CLYBL: variants seen among roughly 807,000 people sequenced by gnomAD.
The protein encoded by CLYBL is citramalyl-CoA lyase, also known as citramalyl-CoA lyase, mitochondrial.
Under a neutral mutation model 38.9 loss-of-function variants are expected in CLYBL, and 31 were observed. The ratio of observed to expected loss-of-function variants is 0.80; its 90% CI spans 0.60 to 1.08. The LOEUF is 1.08. CLYBL is among the 50% of genes least tolerant of loss of function. The probability of loss-of-function intolerance (pLI) is 0.00; values close to 1 mark genes in which losing one functional copy is unlikely to be tolerated. For missense variants in CLYBL, 434 were observed against 411.6 expected, an observed-to-expected ratio of 1.05 and a Z score of -0.47; for synonymous variants, 171 against 158.6, an observed-to-expected ratio of 1.08 and a Z score of -0.59.
At chr13:99,807,614 C>T (rs1244502398) in intron 2 of CLYBL, among the ~76,000 whole-genome samples, 5 of 151,616 alleles carry the variant, frequency 3.3e-5, no homozygotes, top group Non-Finnish European at 5.9e-5. Flanking sequence ...GTACTAGAAT[C>T]ATCAGATTCA....
intron 1 of CLYBL, among the ~76,000 whole-genome samples, chr13:99,736,096 GTGCAGTAGCGC>G (rs2139585986): frequency 7.4e-6 from 1 of 135,346 alleles, no homozygotes; most frequent in South Asian, 2.4e-4. Flanking sequence ...CCAGGCTGGA[GTGCAGTAGCGC>G]AATCTTGGCT....
At chr13:99,785,191 CT>C (rs58550861) in intron 2 of CLYBL, among the ~76,000 whole-genome samples, 1,237 of 34,148 alleles carry the variant, frequency 0.036, 8 homozygotes, top group African/African-American at 0.047. Context: ...CCCCGCCTGG[CT>C]TTTTTTTTTT....
chr13:99,722,716 G>A (rs1013478534), intron 1 of CLYBL, among the ~76,000 whole-genome samples: 4 of 152,160 alleles, frequency 2.6e-5, no homozygotes, highest in African/African-American at 9.7e-5. Flanking sequence ...AGTTCCCAGT[G>A]AAAAAATGAA....
intron 1 of CLYBL, among the ~76,000 whole-genome samples, chr13:99,676,118 G>T (rs1205030706): frequency 1.3e-5 from 2 of 151,798 alleles, no homozygotes; most frequent in Non-Finnish European, 2.9e-5. Context: ...GGCCTCCCAT[G>T]GTGCTGGGAT....
chr13:99,621,115 T>A (rs1235094291), intron 1 of CLYBL, among the ~76,000 whole-genome samples: 1 of 152,112 alleles, frequency 6.6e-6, no homozygotes. Context: ...CCGTTAAACC[T>A]CTTCTCCCCA....
intron 1 of CLYBL, among the ~76,000 whole-genome samples, chr13:99,648,441 T>G (rs2047207419): frequency 1.3e-5 from 2 of 152,268 alleles, no homozygotes; most frequent in African/African-American, 4.8e-5. Context: ...CATTGTTCGT[T>G]GAATTCTGAA....
chr13:99,718,413 T>C (rs893287852), intron 1 of CLYBL, among the ~76,000 whole-genome samples: 19 of 151,638 alleles, frequency 1.3e-4, no homozygotes, highest in African/African-American at 4.6e-4. Context: ...TTCATGACAA[T>C]TGGCTTCCTT....
At chr13:99,839,136 C>T (rs2051007759) in intron 2 of CLYBL, among the ~76,000 whole-genome samples, 1 of 152,216 alleles carries the variant, frequency 6.6e-6, no homozygotes, top group Non-Finnish European at 1.5e-5. Context: ...AATTAATGCA[C>T]TTACAGGTGG....
At chr13:99,669,709 A>G (rs2047536644) in intron 1 of CLYBL, among the ~76,000 whole-genome samples, 1 of 152,212 alleles carries the variant, frequency 6.6e-6, no homozygotes, top group Admixed American at 6.5e-5. Flanking sequence ...GTTACTCACA[A>G]CTGAGATACA....
chr13:99,775,235 A>G (rs977172641), intron 2 of CLYBL, among the ~76,000 whole-genome samples: 10 of 152,128 alleles, frequency 6.6e-5, no homozygotes, highest in South Asian at 2.1e-4. Flanking sequence ...CTGCCACTCA[A>G]ATGAGTTGGA....
intron 2 of CLYBL, among the ~76,000 whole-genome samples, chr13:99,786,360 C>T (rs1033200483): frequency 6.6e-6 from 1 of 152,062 alleles, no homozygotes; most frequent in Non-Finnish European, 1.5e-5. Context: ...TTCCCCCTCC[C>T]CCAACCCCAC....
intron 1 of CLYBL, among the ~76,000 whole-genome samples, chr13:99,762,479 G>T (rs926607118): frequency 2.0e-5 from 3 of 152,160 alleles, no homozygotes; most frequent in South Asian, 2.1e-4. Flanking sequence ...TCATAAATGC[G>T]TGGATTTATA....
intron 2 of CLYBL, among the ~76,000 whole-genome samples, chr13:99,823,543 A>G (rs567202876): frequency 6.6e-6 from 1 of 152,326 alleles, no homozygotes; most frequent in East Asian, 1.9e-4. Context: ...TATAATTGGA[A>G]TCATACAGTC....
chr13:99,760,773 T>C (rs2049149493), intron 1 of CLYBL, among the ~76,000 whole-genome samples: 1 of 146,824 alleles, frequency 6.8e-6, no homozygotes, highest in African/African-American at 2.5e-5. Flanking sequence ...TCAGGATACA[T>C]GTGATAATTT....
At chr13:99,709,017 A>AG (rs1467207194) in intron 1 of CLYBL, among the ~76,000 whole-genome samples, 1 of 151,916 alleles carries the variant, frequency 6.6e-6, no homozygotes, top group Non-Finnish European at 1.5e-5. Context: ...TGCTTGAACC[A>AG]GGGGGGCGGA....
intron 2 of CLYBL, among the ~76,000 whole-genome samples, chr13:99,808,629 A>G (rs190334962): frequency 1.3e-5 from 2 of 152,366 alleles, no homozygotes; most frequent in East Asian, 3.9e-4. Flanking sequence ...AATTTAATAA[A>G]GTCGTAAATG....
chr13:99,864,795 A>C (rs1295632382), intron 4 of CLYBL, 23 bp from the exon 5 acceptor site: 2 of 1,553,732 alleles, frequency 1.3e-6, no homozygotes, highest in Admixed American at 1.7e-5. Context: ...CGTGAGACTT[A>C]GTTCTGTTCT....
rs201294928 is a variant in CLYBL, at chr13:99,802,454, T to TG, written c.249+29451dup. Reference sequence around the variant, plus strand: ...CATTTAGTTTGAAATTCACTTATTTTGGGGGGGTCCAGACTCTAGTTGAAG... The same window carrying TG: ...CATTTAGTTTGAAATTCACTTATTTTGGGGGGGGTCCAGACTCTAGTTGAAG... On this transcript the variant is annotated intron_variant, in intron 2 of 8. Coordinates refer to ENST00000339105, the MANE Select transcript of CLYBL (RefSeq NM_206808.5). 1.2e-3 allele frequency among the ~76,000 whole-genome samples: 186 copies of TG among 152,114 alleles called. 1 individual carries two copies. The highest frequency in any genetic ancestry group is 3.5e-3 in the African/African-American group (145 of 41,518).
intron 2 of CLYBL, among the ~76,000 whole-genome samples, chr13:99,800,748 C>T (rs1298265846): frequency 6.6e-6 from 1 of 152,002 alleles, no homozygotes; most frequent in African/African-American, 2.4e-5. Flanking sequence ...GTGGCGCATG[C>T]CTTTAGTCCC....
Sources: gnomAD v4.1 joint callset for allele counts (sites outside exome capture counted in the v4.1 genomes callset) on GRCh38, gnomAD v4.1.1 for gene constraint, MANE v1.5 for transcripts, NCBI Gene and HGNC (gene_info 2026-07-23, HGNC 2026-07-21) for gene names.